The following PER3 variants were observed in gnomAD, a reference collection of about 807,000 sequenced individuals.
PER3 encodes the protein period circadian protein homolog 3.
In PER3, 107 loss-of-function variants were observed where a neutral mutation model predicts 127.2. That is an observed-to-expected ratio of 0.84 (90% CI 0.72 to 0.99). The LOEUF (loss-of-function observed/expected upper bound fraction) is 0.99. Ranked by LOEUF, PER3 falls within the 50% of genes least tolerant of loss-of-function variation. The pLI is 0.00. For missense variants in PER3, 1,560 were observed against 1,525.8 expected (o/e 1.02, Z -0.37); for synonymous variants, 618 against 585.8 (o/e 1.05, Z -0.79).
intron 3 of PER3, among the ~76,000 whole-genome samples, chr1:7,786,463 A>G (rs139978596): frequency 1.2e-3 from 176 of 151,648 alleles, no homozygotes; most frequent in Middle Eastern, 0.01. Flanking sequence ...AAAATTGTGT[A>G]TGCATCTGAA....
At chr1:7,825,356 A>G (rs1446869424) in intron 16 of PER3, among the ~76,000 whole-genome samples, 2 of 152,228 alleles carry the variant, frequency 1.3e-5, no homozygotes, top group Non-Finnish European at 2.9e-5. Flanking sequence ...TCAATAATAG[A>G]TAAAAAAGAG....
intron 21 of PER3, among the ~76,000 whole-genome samples, chr1:7,839,497 A>C (rs544828236): frequency 1.3e-5 from 2 of 152,084 alleles, no homozygotes; most frequent in Non-Finnish European, 2.9e-5. Context: ...TGAGATCTCT[A>C]TTTCTTCACA....
chr1:7,837,866 C>T (rs2097365671), intron 21 of PER3, among the ~76,000 whole-genome samples: 1 of 152,132 alleles, frequency 6.6e-6, no homozygotes, highest in Non-Finnish European at 1.5e-5. Flanking sequence ...GAGTTGGAGA[C>T]CACGCTGGGC....
In PER3 at chr1:7,793,855, C is replaced by G. The variant is rs1408892559; in HGVS notation, c.593-102C>G. ...CTATTTTAATCAAGGAGACCTCTCTCTCTTTTAAAAAATAGTTTGTTGTTT... is the reference window on the plus strand; with the variant it reads ...CTATTTTAATCAAGGAGACCTCTCTGTCTTTTAAAAAATAGTTTGTTGTTT... On this transcript the variant is annotated intron_variant, in intron 5 of 21. Coordinates refer to ENST00000377532, the MANE Select transcript of PER3 (RefSeq NM_001377275.1). 1.1e-5 allele frequency: 11 copies of G among 981,340 alleles called. No homozygotes were observed. In the East Asian group the frequency reaches 1.2e-4, roughly 11 times the overall value. The allele number at this position is 981,340 out of a possible 1,614,324, so 60.8% of individuals were successfully genotyped here. A position where few individuals can be genotyped will look rare whatever the true frequency, so the allele number is the denominator to read the frequency against.
rs759699006 is a variant in PER3, at chr1:7,799,610, CAA to C, written c.793+956_793+957del. Among the ~76,000 whole-genome samples, 415 of 93,234 alleles carry C rather than the reference CAA, an allele frequency of 4.5e-3. 2 individuals are homozygous for C. The highest frequency in any genetic ancestry group is 0.011 in the African/African-American group (274 of 24,872). The allele number at this position is 93,234 out of a possible 152,430, so 61.2% of individuals were successfully genotyped here. A position where few individuals can be genotyped will look rare whatever the true frequency, so the allele number is the denominator to read the frequency against. ...GGGCAACAAGAGTAAAACTCTGTCT[CAA>C]AAAAAAAAAAAAAAAAAAGATAATC... On this transcript the variant is annotated intron_variant, in intron 7 of 21. Coordinates refer to ENST00000377532, the MANE Select transcript of PER3 (RefSeq NM_001377275.1).
At position 7,827,714 on chromosome 1, in the gene PER3, A is replaced by T; in HGVS notation, c.2785A>T (p.Ser929Cys). 6.2e-7 allele frequency: 1 copy of T among 1,614,178 alleles called. No homozygotes were observed. The highest frequency in any genetic ancestry group is 8.5e-7 in the Non-Finnish European group (1 of 1,180,028). The change falls in exon 18 of 22, where the codon AGC becomes TGC. Residue 929 changes from serine to cysteine, a missense_variant. By Grantham distance (112) the Ser-to-Cys change is moderately radical (BLOSUM62 -1). Around this residue, in one of 3 missense-constraint regions of PER3, gnomAD observed 1,332 missense variants for 1,223.6 expected, o/e 1.09. Coordinates refer to ENST00000377532, the MANE Select transcript of PER3 (RefSeq NM_001377275.1). ...GGGGCACCCGTTCATTACTTCGAGA[A>T]GCAGCTCACCCTTGCAGTTAAACTT... ...SEGHPFITSR[S>C]SSPLQLNLLQ...
intron 16 of PER3, among the ~76,000 whole-genome samples, chr1:7,822,246 AT>A (rs1490516587): frequency 7.5e-6 from 1 of 132,884 alleles, no homozygotes. Flanking sequence ...TCTACAAAAA[AT>A]TTAAAAAAAA....
chr1:7,785,735 A>T, intron 3 of PER3, 149 bp downstream of exon 3: 4 of 647,690 alleles, frequency 6.2e-6, no homozygotes, highest in Non-Finnish European at 8.2e-6. Context: ...CACCGATTCC[A>T]TTCGTGTCTT....
chr1:7,790,481 C>T (rs1018657250), intron 5 of PER3, among the ~76,000 whole-genome samples: 2 of 152,206 alleles, frequency 1.3e-5, no homozygotes, highest in Non-Finnish European at 2.9e-5. Flanking sequence ...TCCCACCACA[C>T]ATGGGGATTA....
rs2097093107 is a variant in PER3, at chr1:7,786,757, G to C, written c.311G>C (p.Gly104Ala). 1.2e-6 allele frequency: 2 copies of C among 1,611,222 alleles called. No homozygotes were observed. The stretch of plus-strand genomic sequence containing the variant: ...TTTTTCCAGATTCTCAGTCAGAATG[G>C]AGCACCTCAGGCAGATGTGAGCATG... The part of the protein sequence containing the change: ...SEFFQILSQN[G>A]APQADVSMYS... Residue 104 changes from glycine to alanine, a missense_variant, in exon 4 of 22, where the codon GGA (glycine) becomes GCA (alanine). Physicochemically the swap from Gly to Ala is moderately conservative, Grantham distance 60. Around this residue, in one of 3 missense-constraint regions of PER3, gnomAD observed 1,332 missense variants for 1,223.6 expected, o/e 1.09. Transcript: ENST00000377532.
chr1:7,788,224 C>G lies in PER3; in HGVS notation c.570C>G (p.Phe190Leu). The change falls in exon 5 of 22, where the codon TTC becomes TTG. Residue 190 changes from phenylalanine (F) to leucine (L), a missense_variant. Phe to Leu is a conservative substitution (Grantham distance 22). This residue lies in a region of PER3 where 1,332 missense variants were observed against 1,223.6 expected (regional missense o/e 1.09). Coordinates refer to ENST00000377532, the MANE Select transcript of PER3 (RefSeq NM_001377275.1). ...ACACTGCCAGAGCTCAGCTTCCTTT[C>G]TGGAACAACTGGACCCAAAGAGGTA... ...YAHTARAQLP[F>L]WNNWTQRAAA... 6.2e-7 allele frequency: 1 copy of G among 1,613,520 alleles called. No individual in the cohort carries two copies. The highest frequency in any genetic ancestry group is 1.1e-5 in the South Asian group (1 of 91,070).
At chr1:7,805,558 T>G (rs2097189305) in intron 10 of PER3, among the ~76,000 whole-genome samples, 1 of 152,182 alleles carries the variant, frequency 6.6e-6, no homozygotes, top group African/African-American at 2.4e-5. Context: ...AAAACGAATT[T>G]GATTATTAAG....
chr1:7,807,998 C>T (rs976965699), intron 10 of PER3, among the ~76,000 whole-genome samples: 2 of 152,048 alleles, frequency 1.3e-5, no homozygotes, highest in African/African-American at 2.4e-5. Flanking sequence ...TTTGGGAGGC[C>T]GAAGCGGGTG....
At chr1:7,837,212 T>C (rs1306629522) in intron 21 of PER3, 63 bp downstream of exon 21, 36 of 1,403,436 alleles carry the variant, frequency 2.6e-5, no homozygotes, top group Non-Finnish European at 3.6e-5. Flanking sequence ...GCTTTTAATA[T>C]AGGTCGTGTT....
At chr1:7,805,160 G>A (rs949738526) in intron 10 of PER3, among the ~76,000 whole-genome samples, 1 of 152,140 alleles carries the variant, frequency 6.6e-6, no homozygotes, top group Non-Finnish European at 1.5e-5. Context: ...GAGCCATCAC[G>A]CCCAACCCTG....
At chr1:7,818,773 G>T (rs1307705298) in intron 13 of PER3, among the ~76,000 whole-genome samples, 1 of 152,186 alleles carries the variant, frequency 6.6e-6, no homozygotes, top group Non-Finnish European at 1.5e-5. Flanking sequence ...TAATAGTTAC[G>T]TTAGCACATA....
chr1:7,835,897 T>TA lies in PER3; in HGVS notation c.3351dup (p.Arg1118ThrfsTer5). ...GCCGAAGAGCCCATCTGGAGAATGA[T>TA]ACGGCAGACACCTGAGCGCATTCTC... is the stretch of plus-strand genomic sequence containing the variant. On this transcript the variant is annotated frameshift_variant, in exon 20 of 22. Coordinates refer to ENST00000377532, the MANE Select transcript of PER3 (RefSeq NM_001377275.1). LOFTEE classifies it high-confidence loss of function. 6.2e-7 allele frequency: 1 copy of TA among 1,612,168 alleles called. No homozygotes were observed. Among genetic ancestry groups the TA allele is most frequent in the Non-Finnish European group, 8.5e-7 (1 of 1,178,158 alleles).
chr1:7,821,194 C>G (rs2097274840), intron 16 of PER3, among the ~76,000 whole-genome samples: 1 of 152,202 alleles, frequency 6.6e-6, no homozygotes. Context: ...TTTCATCACT[C>G]ATAACAATTT....
rs1199470370 is a variant in PER3 at position 7,788,239 on chromosome 1, C to G, written c.585C>G (p.Thr195=). 26 of 1,610,598 alleles carry G rather than the reference C, an allele frequency of 1.6e-5. No homozygotes were observed. The highest frequency in any genetic ancestry group is 2.2e-5 in the Non-Finnish European group (26 of 1,176,976). ...RAQLPFWNNW[T]QRAAARYECA... ...AGCTTCCTTTCTGGAACAACTGGAC[C>G]CAAAGAGGTAACAGGACCAATGTTC... Residue 195 remains threonine, a synonymous_variant, in exon 5 of 22, where the codon ACC becomes ACG. Coordinates refer to ENST00000377532, the MANE Select transcript of PER3 (RefSeq NM_001377275.1).
Sources: allele counts gnomAD v4.1 joint callset (sites outside exome capture counted in the v4.1 genomes callset), GRCh38; gene constraint gnomAD v4.1.1; regional missense constraint gnomAD v4.1.1; transcripts MANE v1.5; gene names NCBI Gene and HGNC (gene_info 2026-07-23, HGNC 2026-07-21).